CDC6: variants seen among roughly 807,000 people sequenced by gnomAD.
CDC6 encodes DNA replication factor CDC6.
Under a neutral mutation model 60.2 loss-of-function variants are expected in CDC6, and 46 were observed. The ratio of observed to expected loss-of-function variants is 0.76; its 90% CI spans 0.60 to 0.98. The LOEUF (loss-of-function observed/expected upper bound fraction) is 0.98. Among genes scored for constraint, CDC6 ranks in the 50% least tolerant of loss-of-function variants. The probability of loss-of-function intolerance (pLI) is 0.00; values close to 1 mark genes in which losing one functional copy is unlikely to be tolerated. For missense variants in CDC6, 596 were observed against 652.9 expected (o/e 0.91, Z 0.95); for synonymous variants, 210 against 233.2 (o/e 0.90, Z 0.90).
At chr17:40,296,588 T>C (rs2032863237) in intron 8 of CDC6, 115 bp from the exon 9 acceptor site, 1 of 706,154 alleles carries the variant, frequency 1.4e-6, no homozygotes, top group African/African-American at 1.8e-5. Context: ...TACATGACCA[T>C]TGTTCATAGT....
chr17:40,292,792 G>C (rs186685545), intron 4 of CDC6, among the ~76,000 whole-genome samples: 58 of 151,112 alleles, frequency 3.8e-4, no homozygotes, highest in African/African-American at 1.4e-3. Context: ...TTAGCCAGGC[G>C]TGGTGGCGAG....
intron 4 of CDC6, among the ~76,000 whole-genome samples, chr17:40,292,263 A>G (rs1462093499): frequency 6.6e-6 from 1 of 151,690 alleles, no homozygotes; most frequent in African/African-American, 2.4e-5. Flanking sequence ...TCCTGAGCTC[A>G]AGTAATCTGC....
At position 40,291,128 on chromosome 17, in the gene CDC6, T is replaced by C. The variant is rs776819215; in HGVS notation, c.249T>C (p.Asn83=). ...CACCAAAGCAAGGCAAGAAAGAGAA[T>C]GGTCCCCCTCACTCACATACACTTA... The part of the protein sequence containing the change: ...CSPPKQGKKE[N]GPPHSHTLKG... The change falls in exon 3 of 12, where the codon AAT becomes AAC. Residue 83 remains asparagine (N), a synonymous_variant. Transcript: ENST00000209728. 3 of 1,614,008 alleles carry C rather than the reference T, an allele frequency of 1.9e-6. No homozygotes were observed. The South Asian group carries it at 3.3e-5, about 18-fold the overall frequency.
chr17:40,302,140 A>G lies in CDC6; in HGVS notation c.*139A>G. 1.4e-6 allele frequency: 1 copy of G among 708,296 alleles called. No homozygotes were observed. The highest frequency in any genetic ancestry group is 2.6e-6 in the Non-Finnish European group (1 of 388,426). The allele number at this position is 708,296 out of a possible 1,614,324, so 43.9% of individuals were successfully genotyped here. On this transcript the variant is annotated 3_prime_UTR_variant, in exon 12 of 12. Transcript: ENST00000209728. ...GAAGCCAATGAATTTTAATCTATAG[A>G]TTCTTTAATATTAGCACAGAATAAT...
chr17:40,299,442 A>AAT (rs1344707884), intron 9 of CDC6, among the ~76,000 whole-genome samples: 38 of 151,142 alleles, frequency 2.5e-4, no homozygotes, highest in African/African-American at 9.1e-4. Context: ...TATAGGCCCC[A>AAT]GTGTGTGTTG....
intron 2 of CDC6, among the ~76,000 whole-genome samples, chr17:40,290,436 C>G (rs2032737556): frequency 6.6e-6 from 1 of 152,142 alleles, no homozygotes; most frequent in Non-Finnish European, 1.5e-5. Context: ...CACAGGACAG[C>G]TCCTTGACAA....
chr17:40,300,698 C>A, intron 9 of CDC6, 130 bp from the exon 10 acceptor site: 1 of 788,634 alleles, frequency 1.3e-6, no homozygotes, highest in Non-Finnish European at 2.3e-6. Flanking sequence ...AGATTTAAAA[C>A]CTCTGCTTTG....
chr17:40,299,478 C>T (rs778598435), intron 9 of CDC6, among the ~76,000 whole-genome samples: 3 of 152,090 alleles, frequency 2.0e-5, no homozygotes, highest in Non-Finnish European at 4.4e-5. Flanking sequence ...TATGTGTTCT[C>T]ATCATTTAGC....
chr17:40,294,053 A>G lies in CDC6; in HGVS notation c.940A>G (p.Ile314Val). 1 of 1,599,048 alleles carries G rather than the reference A, an allele frequency of 6.3e-7. No homozygotes were observed. Among genetic ancestry groups the G allele is most frequent in the Non-Finnish European group, 8.6e-7 (1 of 1,166,238 alleles). Residue 314 changes from isoleucine (I) to valine (V), a missense_variant, in exon 6 of 12, where the codon ATT (isoleucine) becomes GTT (valine). By Grantham distance (29) the Ile-to-Val change is conservative. Coordinates refer to ENST00000209728, the MANE Select transcript of CDC6 (RefSeq NM_001254.4). ...GCTAAGCAATTCTCACTTGGTGCTG[A>G]TTGGTTAGTGCTCAATTGTTAATGT... is the stretch of plus-strand genomic sequence containing the variant. Reference protein sequence around the residue: ...PWLSNSHLVLIGIANTLDLTD... With the variant: ...PWLSNSHLVLVGIANTLDLTD...
intron 4 of CDC6, among the ~76,000 whole-genome samples, 160 bp from the exon 5 acceptor site, chr17:40,293,296 T>A (rs890785181): frequency 6.6e-6 from 1 of 152,190 alleles, no homozygotes; most frequent in African/African-American, 2.4e-5. Flanking sequence ...GATTGAGGGT[T>A]TCTTCAAAAT....
chr17:40,289,180 T>C (rs1466758274), intron 1 of CDC6: 6 of 469,216 alleles, frequency 1.3e-5, no homozygotes, highest in Non-Finnish European at 2.4e-5. Flanking sequence ...GTTAAACGAG[T>C]TGGTACCTAA....
In CDC6 at chr17:40,293,985, G is replaced by A. The variant is rs930964406; in HGVS notation, c.872G>A (p.Ser291Asn). 1 of 1,614,022 alleles carries A rather than the reference G, an allele frequency of 6.2e-7. No homozygotes were observed. Among genetic ancestry groups the A allele is most frequent in the Non-Finnish European group, 8.5e-7 (1 of 1,179,888 alleles). Residue 291 changes from serine to asparagine, a missense_variant, in exon 6 of 12, where the codon AGC becomes AAC. Physicochemically the swap from Ser to Asn is conservative, Grantham distance 46. Transcript: ENST00000209728. ...LVLDEMDQLDSKGQDVLYTLF... is the reference protein window; with the variant it reads ...LVLDEMDQLDNKGQDVLYTLF... ...TTGGACGAGATGGATCAACTGGACA[G>A]CAAAGGCCAGGATGTATTGTACACG...
At chr17:40,294,525 A>G in intron 7 of CDC6, 22 bp downstream of exon 7, 1 of 1,611,786 alleles carries the variant, frequency 6.2e-7, no homozygotes. Flanking sequence ...CTATTTTGCC[A>G]AATTATGTGT....
At position 40,299,138 on chromosome 17, in the gene CDC6, C is replaced by CTTTTTTTTTTTT. The variant is rs67162965; in HGVS notation, c.1250-1673_1250-1662dup. Among the ~76,000 whole-genome samples, 172 of 60,780 alleles carry CTTTTTTTTTTTT rather than the reference C, an allele frequency of 2.8e-3. 22 individuals carry two copies. Among genetic ancestry groups the CTTTTTTTTTTTT allele is most frequent in the East Asian group, 7.0e-3 (13 of 1,858 alleles). 39.9% of individuals were successfully genotyped at this position (60,780 alleles called of 152,430 possible). The stretch of plus-strand genomic sequence containing the variant: ...CATCTCCAAACGATAAGGCCATAGT[C>CTTTTTTTTTTTT]TTTTTTTTTTTTTTTTTTTTTTTTT... On this transcript the variant is annotated intron_variant, in intron 9 of 11. Coordinates refer to ENST00000209728, the MANE Select transcript of CDC6 (RefSeq NM_001254.4).
In CDC6 at chr17:40,304,341, C is replaced by T. The variant is rs1384674071; in HGVS notation, c.*2340C>T. ...AGTAAAGTCTTAAGTGTAATTCAGA[C>T]TGCTGAGGAAGAAAGCCCTTTCCTT... On this transcript the variant is annotated 3_prime_UTR_variant, in exon 12 of 12. Coordinates refer to ENST00000209728, the MANE Select transcript of CDC6 (RefSeq NM_001254.4). 6.6e-6 allele frequency: 1 copy of T among 152,198 alleles called. No individual in the cohort carries two copies. Among genetic ancestry groups the T allele is most frequent in the Non-Finnish European group, 1.5e-5 (1 of 68,040 alleles). 9.4% of individuals were successfully genotyped at this position (152,198 alleles called of 1,614,324 possible). A position where few individuals can be genotyped will look rare whatever the true frequency, so the allele number is the denominator to read the frequency against.
At chr17:40,289,652 T>G (rs2032720518) in intron 2 of CDC6, 54 bp downstream of exon 2, 10 of 1,429,014 alleles carry the variant, frequency 7.0e-6, no homozygotes, top group Non-Finnish European at 9.9e-6. Context: ...CTTTCTTTTC[T>G]TGGTAAGATG....
At chr17:40,290,305 A>T (rs1408418200) in intron 2 of CDC6, among the ~76,000 whole-genome samples, 1 of 152,190 alleles carries the variant, frequency 6.6e-6, no homozygotes, top group Non-Finnish European at 1.5e-5. Flanking sequence ...CTTGTTTTGG[A>T]ACATTTATTT....
rs1021776931 is a variant in CDC6, at chr17:40,301,754, G to T, written c.1593+146G>T. 8.4e-6 allele frequency: 8 copies of T among 950,954 alleles called. No homozygotes were observed. In the African/African-American group the frequency reaches 9.7e-5, roughly 12 times the overall value. The allele number at this position is 950,954 out of a possible 1,614,324, so 58.9% of individuals were successfully genotyped here. A position where few individuals can be genotyped will look rare whatever the true frequency, so the allele number is the denominator to read the frequency against. Reference sequence around the variant, plus strand: ...GTAAGGTTTAAGGTGTGTAAAGATGGGAGTGTGATATGAATATTTTTTCAA... The same window carrying T: ...GTAAGGTTTAAGGTGTGTAAAGATGTGAGTGTGATATGAATATTTTTTCAA... On this transcript the variant is annotated intron_variant, in intron 11 of 11. Transcript: ENST00000209728.
chr17:40,291,576 A>G lies in CDC6; in HGVS notation c.568A>G (p.Ile190Val). 1 of 1,614,200 alleles carries G rather than the reference A, an allele frequency of 6.2e-7. No homozygotes were observed. The highest frequency in any genetic ancestry group is 8.5e-7 in the Non-Finnish European group (1 of 1,180,024). ...DVIRNFLREH[I>V]CGKKAGSLYL... ...CATCAGGAATTTCTTGAGGGAACAC[A>G]TCTGTGGGAAAAAAGCTGGAAGCCT... The change falls in exon 4 of 12, where the codon ATC becomes GTC. Residue 190 changes from isoleucine (I) to valine (V), a missense_variant. Physicochemically the swap from Ile to Val is conservative, Grantham distance 29. Transcript: ENST00000209728.
Sources: gnomAD v4.1 joint callset for allele counts (sites outside exome capture counted in the v4.1 genomes callset) on GRCh38, gnomAD v4.1.1 for gene constraint, MANE v1.5 for transcripts, NCBI Gene and HGNC (gene_info 2026-07-23, HGNC 2026-07-21) for gene names.